AHNAK2: variants seen among roughly 807,000 people sequenced by gnomAD.
AHNAK2 encodes the protein AHNAK nucleoprotein 2.
AHNAK2 carries 18 observed loss-of-function variants against 30.7 expected under a neutral mutation model. The ratio of observed to expected loss-of-function variants is 0.59; its 90% confidence interval spans 0.41 to 0.87. The LOEUF (loss-of-function observed/expected upper bound fraction) is 0.87, where lower values mean the gene tolerates loss of function less well. AHNAK2 is among the 40% of genes least tolerant of loss of function. The probability of loss-of-function intolerance (pLI) is 0.00; values close to 1 mark genes in which losing one functional copy is unlikely to be tolerated. For missense variants in AHNAK2, 8,604 were observed against 7,373.0 expected, an observed-to-expected ratio of 1.17 and a Z score of -6.11; for synonymous variants, 3,590 against 3,073.8, an observed-to-expected ratio of 1.17 and a Z score of -5.56.
Position 104,950,915 on chromosome 14 carries a change from G to A in AHNAK2, c.4536C>T (p.Ile1512=), listed in dbSNP as rs181822513. 2.0e-3 allele frequency: 3,122 copies of A among 1,552,856 alleles called. 237 individuals carry two copies. The African/African-American group carries it at 0.032, about 16-fold the overall frequency. The part of the protein sequence containing the change: ...SFGVSAPGKS[I]EASVDVSAPK... ...GCGCAGACACATCCACTGAGGCCTCGATGGACTTGCCTGGGGCAGACACCC... is the reference window on the plus strand; with the variant it reads ...GCGCAGACACATCCACTGAGGCCTCAATGGACTTGCCTGGGGCAGACACCC... The change falls in exon 7 of 7, where the codon ATC becomes ATT. Residue 1512 remains isoleucine, a synonymous_variant. Coordinates refer to ENST00000333244, the MANE Select transcript of AHNAK2 (RefSeq NM_138420.4).
rs373111365 is a variant in AHNAK2 at position 104,942,831 on chromosome 14, G to T, written c.12620C>A (p.Pro4207His). The T allele has an allele frequency of 4.3e-6, 7 of 1,612,168 alleles. No individual in the cohort carries two copies. The East Asian group carries it at 6.7e-5, about 15-fold the overall frequency. ...VDVKLPEGPL[P>H]KGAGLKGHLP... Reference sequence around the variant, plus strand: ...GTGCCCTTTGAGGCCGGCTCCCTTGGGCAGGGGGCCCTCCGGGAGTTTCAC... The same window carrying T: ...GTGCCCTTTGAGGCCGGCTCCCTTGTGCAGGGGGCCCTCCGGGAGTTTCAC... Residue 4207 changes from proline to histidine, a missense_variant, in exon 7 of 7, where the codon CCC becomes CAC. Pro to His is a moderately conservative substitution (Grantham distance 77). Coordinates refer to ENST00000333244, the MANE Select transcript of AHNAK2 (RefSeq NM_138420.4).
intron 1 of AHNAK2, among the ~76,000 whole-genome samples, chr14:104,965,896 C>T (rs953311010): frequency 2.0e-5 from 3 of 152,324 alleles, no homozygotes; most frequent in African/African-American, 7.2e-5. Flanking sequence ...ATGTGGACCA[C>T]CCTGCCTGCC....
At position 104,938,749 on chromosome 14, in the gene AHNAK2, G is replaced by A. The variant is rs769268168; in HGVS notation, c.16702C>T (p.Pro5568Ser). 7.4e-6 allele frequency: 12 copies of A among 1,613,760 alleles called. No homozygotes were observed. Among genetic ancestry groups the A allele is most frequent in the African/African-American group, 1.3e-5 (1 of 74,920 alleles). ...ATCTCAAATGGTTCTCCAGTGTCAG[G>A]CTGGAGATCTCCAGAAATGGAGTCT... ...GVDSISGDLQ[P>S]DTGEPFEMIS... The change falls in exon 7 of 7, where the codon CCT (proline) becomes TCT (serine). Residue 5568 changes from proline to serine, a missense_variant. By Grantham distance (74) the Pro-to-Ser change is moderately conservative (BLOSUM62 -1). Transcript: ENST00000333244.
At position 104,945,552 on chromosome 14, in the gene AHNAK2, T is replaced by C. The variant is rs970550762; in HGVS notation, c.9899A>G (p.Asp3300Gly). ...LEGDLSLADK[D>G]VTAKDSKFKM... ...GAACTTGCTGTCTTTGGCAGTCACA[T>C]CCTTGTCGGCCAGGGACAGGTCCCC... is the stretch of plus-strand genomic sequence containing the variant. The change falls in exon 7 of 7, where the codon GAT becomes GGT. Residue 3300 changes from aspartate (D) to glycine (G), a missense_variant. Transcript: ENST00000333244. 5 of 1,610,916 alleles carry C rather than the reference T, an allele frequency of 3.1e-6. No individual in the cohort carries two copies. In the African/African-American group the frequency reaches 4.0e-5, roughly 13 times the overall value.
rs760965946 is a variant in AHNAK2 at position 104,950,830 on chromosome 14, G to C, written c.4621C>G (p.Leu1541Val). 1.9e-6 allele frequency: 3 copies of C among 1,585,548 alleles called. No homozygotes were observed. The highest frequency in any genetic ancestry group is 2.7e-5 in the African/African-American group (2 of 73,556). Residue 1541 changes from leucine to valine, a missense_variant, in exon 7 of 7, where the codon CTG (leucine) becomes GTG (valine). By Grantham distance (32) the Leu-to-Val change is conservative. Coordinates refer to ENST00000333244, the MANE Select transcript of AHNAK2 (RefSeq NM_138420.4). Reference protein sequence around the residue: ...SMQGDLKATDLSIQPPSADLE... With the variant: ...SMQGDLKATDVSIQPPSADLE... ...TCAGCAGAAGGGGGCTGTATGCTCA[G>C]GTCAGTGGCCTTGAGGTCCCCCTGC... is the stretch of plus-strand genomic sequence containing the variant.
At chr14:104,971,964 C>T (rs113211573) in intron 1 of AHNAK2, among the ~76,000 whole-genome samples, 1,620 of 152,354 alleles carry the variant, frequency 0.011, 35 homozygotes, top group African/African-American at 0.037. Context: ...CAGGCCCCAA[C>T]GGCATGGGAA....
rs1156308029 is a variant in AHNAK2, at chr14:104,944,389, TG to T, written c.11061del (p.Ser3687ArgfsTer9). 1 of 1,612,526 alleles carries T rather than the reference TG, an allele frequency of 6.2e-7. No individual in the cohort carries two copies. The highest frequency in any genetic ancestry group is 8.5e-7 in the Non-Finnish European group (1 of 1,179,364). On this transcript the variant is annotated frameshift_variant, in exon 7 of 7. Transcript: ENST00000333244. LOFTEE classifies it low-confidence loss of function (END_TRUNC). The stretch of plus-strand genomic sequence containing the variant: ...TTCAGGTCGGCAGAAGGGGGCTGAA[TG>T]CTGAGGTCAGTGGTCTTCAGGTCCC... ...MQGDLKTTDLSIQPPSADLKV... is the reference protein window; with the variant it reads ...MQGDLKTTDLXIQPPSADLKV...
At position 104,942,365 on chromosome 14, in the gene AHNAK2, C is replaced by A; in HGVS notation, c.13086G>T (p.Glu4362Asp). 1 of 1,613,042 alleles carries A rather than the reference C, an allele frequency of 6.2e-7. No homozygotes were observed. Among genetic ancestry groups the A allele is most frequent in the Non-Finnish European group, 8.5e-7 (1 of 1,179,664 alleles). ...CAGGGCCCTCTGGGAGTTTCACATC[C>A]TCTTGGCCAGCCTGGACCTCCAGAT... ...SADLEVQAGQ[E>D]DVKLPEGPVH... is the part of the protein sequence containing the mutation. Residue 4362 changes from glutamate (E) to aspartate (D), a missense_variant, in exon 7 of 7, where the codon GAG becomes GAT. Coordinates refer to ENST00000333244, the MANE Select transcript of AHNAK2 (RefSeq NM_138420.4).
At chr14:104,967,442 G>A (rs111431708) in intron 1 of AHNAK2, among the ~76,000 whole-genome samples, 6,649 of 152,320 alleles carry the variant, frequency 0.044, 159 homozygotes, top group Middle Eastern at 0.088. Flanking sequence ...GTGGGTGTTG[G>A]GGCCGGTGAG....
chr14:104,943,815 T>G lies in AHNAK2; in HGVS notation c.11636A>C (p.Glu3879Ala), dbSNP rs201789836. Residue 3879 changes from glutamate to alanine, a missense_variant, in exon 7 of 7, where the codon GAA becomes GCA. Coordinates refer to ENST00000333244, the MANE Select transcript of AHNAK2 (RefSeq NM_138420.4). ...MKLLEGHVPEEAGLKGHLPKV... is the reference protein window; with the variant it reads ...MKLLEGHVPEAAGLKGHLPKV... ...GGGCAGGTGTCCTTTGAGGCCGGCTTCCTCGGGCACGTGGCCCTCCAGGAG... is the reference window on the plus strand; with the variant it reads ...GGGCAGGTGTCCTTTGAGGCCGGCTGCCTCGGGCACGTGGCCCTCCAGGAG... 448 of 1,606,856 alleles carry G rather than the reference T, an allele frequency of 2.8e-4. 1 individual carries two copies. Among genetic ancestry groups the G allele is most frequent in the Non-Finnish European group, 3.6e-4 (423 of 1,177,330 alleles).
In AHNAK2 at chr14:104,950,134, G is replaced by T. The variant is rs761527077; in HGVS notation, c.5317C>A (p.Pro1773Thr). The change falls in exon 7 of 7, where the codon CCC becomes ACC. Residue 1773 changes from proline to threonine, a missense_variant. Transcript: ENST00000333244. ...TCGGGGGCCATCACCTCCGCCTTGG[G>T]GCCTTTCAGGTCCAGCTTGGGGCCC... ...VKGPKLDLKG[P>T]KAEVMAPDVE... The T allele has an allele frequency of 7.6e-6, 12 of 1,586,568 alleles. 2 individuals are homozygous for T. In the African/African-American group the frequency reaches 1.7e-4, roughly 22 times the overall value.
rs745934871 is a variant in AHNAK2 at position 104,952,997 on chromosome 14, G to C, written c.2454C>G (p.Asp818Glu). The C allele has an allele frequency of 1.9e-6, 3 of 1,612,122 alleles. No individual in the cohort carries two copies. In the African/African-American group the frequency reaches 4.0e-5, roughly 22 times the overall value. Reference protein sequence around the residue: ...AKLDGARLEGDLSLADKEVTA... With the variant: ...AKLDGARLEGELSLADKEVTA... Reference sequence around the variant, plus strand: ...TCACCTCCTTGTCGGCCAGGGACAGGTCCCCCTCCAGCCGCGCACCATCCA... The same window carrying C: ...TCACCTCCTTGTCGGCCAGGGACAGCTCCCCCTCCAGCCGCGCACCATCCA... The change falls in exon 7 of 7, where the codon GAC becomes GAG. Residue 818 changes from aspartate (D) to glutamate (E), a missense_variant. By Grantham distance (45) the Asp-to-Glu change is conservative. Transcript: ENST00000333244.
chr14:104,941,900 G>A lies in AHNAK2; in HGVS notation c.13551C>T (p.Ser4517=), dbSNP rs574414313. 8.7e-6 allele frequency: 14 copies of A among 1,613,596 alleles called. No individual in the cohort carries two copies. The highest frequency in any genetic ancestry group is 3.3e-5 in the Admixed American group (2 of 60,014). ...GGCCAGCCTGGACCTCCAGGTCGGC[G>A]GAAGGGGCCTGAATGCGGAGGTCAG... ...KTTDLRIQAP[S]ADLEVQAGQV... The change falls in exon 7 of 7, where the codon TCC becomes TCT. Residue 4517 remains serine (S), a synonymous_variant. Coordinates refer to ENST00000333244, the MANE Select transcript of AHNAK2 (RefSeq NM_138420.4).
chr14:104,973,087 C>T (rs1028370848), intron 1 of AHNAK2, among the ~76,000 whole-genome samples: 1 of 152,256 alleles, frequency 6.6e-6, no homozygotes, highest in African/African-American at 2.4e-5. Context: ...ACCTACCGGA[C>T]CCCTGGCACC....
At position 104,943,146 on chromosome 14, in the gene AHNAK2, T is replaced by A. The variant is rs150051628; in HGVS notation, c.12305A>T (p.Asp4102Val). The change falls in exon 7 of 7, where the codon GAC (aspartate) becomes GTC (valine). Residue 4102 changes from aspartate to valine, a missense_variant. Physicochemically the swap from Asp to Val is radical, Grantham distance 152 (BLOSUM62 -3). Coordinates refer to ENST00000333244, the MANE Select transcript of AHNAK2 (RefSeq NM_138420.4). ...VKMSLSSMEV[D>V]VQAPRAKLDG... ...CAGCTTTGCTCTCGGGGCCTGGACG[T>A]CCACCTCCATGCTGGACAGAGACAT... 1.4e-3 allele frequency: 2,197 copies of A among 1,613,194 alleles called. 19 individuals are homozygous for A. In the African/African-American group the frequency reaches 0.021, roughly 16 times the overall value.
intron 1 of AHNAK2, among the ~76,000 whole-genome samples, chr14:104,977,645 G>T (rs1180576570): frequency 2.6e-5 from 4 of 152,152 alleles, no homozygotes; most frequent in Admixed American, 6.5e-5. Flanking sequence ...GGAAGCCCCG[G>T]ACCAAAGTGG....
Position 104,944,913 on chromosome 14 carries a change from T to A in AHNAK2, c.10538A>T (p.Gln3513Leu). Residue 3513 changes from glutamine to leucine, a missense_variant, in exon 7 of 7, where the codon CAG becomes CTG. Transcript: ENST00000333244. ...GAGGTCAGTGGCCTTGAGGTCCCCC[T>A]GCATGGAGGAGAGGCTCACGTCGGC... ...VEADVSLSSMQGDLKATDLSI... is the reference protein window; with the variant it reads ...VEADVSLSSMLGDLKATDLSI... 1.2e-6 allele frequency: 2 copies of A among 1,613,014 alleles called. No individual in the cohort carries two copies. Among genetic ancestry groups the A allele is most frequent in the Non-Finnish European group, 1.7e-6 (2 of 1,179,582 alleles).
Position 104,941,278 on chromosome 14 carries a change from C to T in AHNAK2, c.14173G>A (p.Ala4725Thr), listed in dbSNP as rs773273617. The part of the protein sequence containing the change: ...KTPKDSLVPG[A>T]KSSIGLSTIP... ...GTGGAAAGACCTATGCTAGACTTTG[C>T]ACCTGGGACTAAACTATCTTTAGGA... The change falls in exon 7 of 7, where the codon GCA becomes ACA. Residue 4725 changes from alanine (A) to threonine (T), a missense_variant. By Grantham distance (58) the Ala-to-Thr change is moderately conservative (BLOSUM62 0). Transcript: ENST00000333244. 6.2e-7 allele frequency: 1 copy of T among 1,613,474 alleles called. No individual in the cohort carries two copies. Among genetic ancestry groups the T allele is most frequent in the Non-Finnish European group, 8.5e-7 (1 of 1,179,860 alleles).
In AHNAK2 at chr14:104,942,946, G is replaced by A. The variant is rs528360087; in HGVS notation, c.12505C>T (p.Leu4169Phe). 6.8e-6 allele frequency: 11 copies of A among 1,613,420 alleles called. No homozygotes were observed. In the African/African-American group the frequency reaches 1.1e-4, roughly 16 times the overall value. Residue 4169 changes from leucine (L) to phenylalanine (F), a missense_variant, in exon 7 of 7, where the codon CTC becomes TTC. Coordinates refer to ENST00000333244, the MANE Select transcript of AHNAK2 (RefSeq NM_138420.4). ...SELKAKADVSLPSMQGDLKTT... is the reference protein window; with the variant it reads ...SELKAKADVSFPSMQGDLKTT... ...TTGAGGTCCCCCTGCATGGAGGGGA[G>A]GCTCACGTCGGCTTTCGCCTTCAGC...
Sources: allele counts gnomAD v4.1 joint callset (sites outside exome capture counted in the v4.1 genomes callset), GRCh38; gene constraint gnomAD v4.1.1; transcripts MANE v1.5; gene names NCBI Gene and HGNC (gene_info 2026-07-23, HGNC 2026-07-21).